Variants in CTNND2 observed in about 807,000 individuals in gnomAD.
CTNND2 encodes the protein catenin delta-2.
CTNND2 carries 22 observed loss-of-function variants against 144.4 expected under a neutral mutation model. The observed-to-expected ratio is 0.15, with a 90% CI of 0.11 to 0.22. The LOEUF (loss-of-function observed/expected upper bound fraction) is 0.22. Among genes scored for constraint, CTNND2 ranks in the 10% least tolerant of loss-of-function variants. CTNND2 has a pLI of 1.00. For synonymous variants in CTNND2, 751 were observed against 695.6 expected, an observed-to-expected ratio of 1.08 and a Z score of -1.25; for missense variants, 1,353 against 1,618.8, an observed-to-expected ratio of 0.84 and a Z score of 2.82.
intron 6 of CTNND2, among the ~76,000 whole-genome samples, chr5:11,393,629 C>G (rs1452531490): frequency 6.6e-6 from 1 of 152,108 alleles, no homozygotes; most frequent in Admixed American, 6.5e-5. Flanking sequence ...CAAACCAGCA[C>G]AGAATAATTA....
At chr5:11,193,992 A>T (rs2149818629) in intron 11 of CTNND2, among the ~76,000 whole-genome samples, 1 of 152,348 alleles carries the variant, frequency 6.6e-6, no homozygotes, top group South Asian at 2.1e-4. Flanking sequence ...AGTTCACTGT[A>T]TGAGTTCTGA....
intron 1 of CTNND2, 55 bp from the exon 2 acceptor site, chr5:11,732,327 C>A: frequency 1.3e-6 from 2 of 1,551,082 alleles, no homozygotes; most frequent in Non-Finnish European, 1.8e-6. Flanking sequence ...TAAACAGGTA[C>A]AACTATCAGA....
intron 9 of CTNND2, among the ~76,000 whole-genome samples, chr5:11,334,309 C>T (rs1753515047): frequency 6.6e-6 from 1 of 152,120 alleles, no homozygotes; most frequent in Non-Finnish European, 1.5e-5. Flanking sequence ...CACACTGTAA[C>T]CCATAAATAT....
chr5:11,168,449 A>C (rs1859380), intron 11 of CTNND2, among the ~76,000 whole-genome samples: 4,731 of 152,310 alleles, frequency 0.031, 164 homozygotes, highest in East Asian at 0.09. Flanking sequence ...AGCATTTTAT[A>C]AATGAACCAT....
intron 1 of CTNND2, among the ~76,000 whole-genome samples, chr5:11,848,318 A>T (rs2126998468): frequency 6.6e-6 from 1 of 152,300 alleles, no homozygotes; most frequent in East Asian, 1.9e-4. Flanking sequence ...GACAAATACA[A>T]CTAGGCTAGA....
intron 5 of CTNND2, among the ~76,000 whole-genome samples, chr5:11,410,354 G>A (rs1761415478): frequency 6.6e-6 from 1 of 152,110 alleles, no homozygotes; most frequent in African/African-American, 2.4e-5. Context: ...AGATTATAGA[G>A]AAAATGAGCT....
At chr5:11,721,547 G>A (rs1363299184) in intron 2 of CTNND2, among the ~76,000 whole-genome samples, 2 of 152,194 alleles carry the variant, frequency 1.3e-5, no homozygotes, top group Non-Finnish European at 2.9e-5. Flanking sequence ...ACCACCATCT[G>A]CTTTGGTCCT....
chr5:11,573,852 T>C (rs563936711), intron 2 of CTNND2, among the ~76,000 whole-genome samples: 1 of 152,306 alleles, frequency 6.6e-6, no homozygotes, highest in African/African-American at 2.4e-5. Flanking sequence ...CATCTGCTTT[T>C]GCTCTGCCAT....
intron 16 of CTNND2, among the ~76,000 whole-genome samples, chr5:11,030,688 A>C (rs2149550546): frequency 6.7e-6 from 1 of 149,982 alleles, no homozygotes; most frequent in African/African-American, 2.4e-5. Context: ...AACATCTTTA[A>C]AACAGTTGTT....
intron 1 of CTNND2, among the ~76,000 whole-genome samples, chr5:11,800,716 A>G (rs1354992873): frequency 6.6e-6 from 1 of 152,220 alleles, no homozygotes; most frequent in African/African-American, 2.4e-5. Flanking sequence ...TAGGCAGAAC[A>G]GTTTCTTTTA....
chr5:11,016,651 G>A (rs1031603529), intron 18 of CTNND2, among the ~76,000 whole-genome samples: 1 of 152,168 alleles, frequency 6.6e-6, no homozygotes, highest in African/African-American at 2.4e-5. Context: ...TGGGTGCTGT[G>A]GGCAGTTGCT....
At chr5:11,416,517 T>C (rs2149844737) in intron 3 of CTNND2, among the ~76,000 whole-genome samples, 1 of 152,348 alleles carries the variant, frequency 6.6e-6, no homozygotes, top group African/African-American at 2.4e-5. Context: ...CACACTTTAA[T>C]CTCTTAGCTA....
chr5:11,072,896 C>T (rs1748495405), intron 16 of CTNND2, among the ~76,000 whole-genome samples: 1 of 152,224 alleles, frequency 6.6e-6, no homozygotes, highest in African/African-American at 2.4e-5. Flanking sequence ...CCCCTCCCTG[C>T]TGTCTGCCTC....
At chr5:11,498,236 C>G (rs1770170602) in intron 3 of CTNND2, among the ~76,000 whole-genome samples, 1 of 152,134 alleles carries the variant, frequency 6.6e-6, no homozygotes, top group South Asian at 2.1e-4. Flanking sequence ...CACTCTCCCC[C>G]ACCCCCTCAA....
chr5:11,830,381 G>T (rs1349310072), intron 1 of CTNND2, among the ~76,000 whole-genome samples: 2 of 152,200 alleles, frequency 1.3e-5, no homozygotes, highest in African/African-American at 4.8e-5. Flanking sequence ...GAGGGACCCT[G>T]TGGGAGGTAA....
chr5:11,352,712 GCTC>G (rs1439310066), intron 8 of CTNND2, among the ~76,000 whole-genome samples: 1 of 152,070 alleles, frequency 6.6e-6, no homozygotes, highest in Non-Finnish European at 1.5e-5. Flanking sequence ...AAAAATGCAA[GCTC>G]CTCATTAGGT....
In CTNND2 at chr5:11,903,826, C is replaced by T. The variant is rs1302715141; in HGVS notation, c.28G>A (p.Ala10Thr). The T allele has an allele frequency of 4.7e-6, 7 of 1,482,216 alleles. No homozygotes were observed. Among genetic ancestry groups the T allele is most frequent in the Non-Finnish European group, 6.2e-6 (7 of 1,122,700 alleles). 91.8% of individuals were successfully genotyped at this position (1,482,216 alleles called of 1,614,324 possible). A position where few individuals can be genotyped will look rare whatever the true frequency, so the allele number is the denominator to read the frequency against. The change falls in exon 1 of 22, where the codon GCG becomes ACG. Residue 10 changes from alanine to threonine, a missense_variant. By Grantham distance (58) the Ala-to-Thr change is moderately conservative. Coordinates refer to ENST00000304623, the MANE Select transcript of CTNND2 (RefSeq NM_001332.4). This position sits in a 1 kb window ranked among gnomAD's most constrained non-coding sequence, Gnocchi z 5.4. MFARKPPGA[A>T]PLGAMPVPDQ... ...CAGCCCCGCAACTCACCCAAAGGCG[C>T]GGCGCCCGGCGGCTTCCTCGCAAAC...
intron 9 of CTNND2, among the ~76,000 whole-genome samples, chr5:11,255,193 T>C (rs1379824656): frequency 1.3e-5 from 2 of 152,170 alleles, no homozygotes; most frequent in Admixed American, 6.5e-5. Flanking sequence ...TTGTGGTAAA[T>C]AGAAGAAGGG....
intron 18 of CTNND2, among the ~76,000 whole-genome samples, chr5:11,011,586 T>G (rs1287704791): frequency 6.6e-6 from 1 of 152,162 alleles, no homozygotes; most frequent in Non-Finnish European, 1.5e-5. Flanking sequence ...CACTTTGAGA[T>G]TCTTAGAGCA....
Sources: gnomAD v4.1 joint callset for allele counts (sites outside exome capture counted in the v4.1 genomes callset) on GRCh38, gnomAD v4.1.1 for gene constraint, Gnocchi (gnomAD v3.1) non-coding constraint, MANE v1.5 for transcripts, NCBI Gene and HGNC (gene_info 2026-07-23, HGNC 2026-07-21) for gene names.